ALK: variants seen among roughly 807,000 people sequenced by gnomAD.
ALK encodes ALK tyrosine kinase receptor.
A neutral mutation model predicts 163.1 loss-of-function variants in ALK; 74 were observed. The observed-to-expected ratio is 0.45, with a 90% CI of 0.38 to 0.55. The LOEUF is 0.55. ALK is among the 20% of genes least tolerant of loss of function. The pLI is 0.00. For synonymous variants in ALK, 960 were observed against 843.2 expected, an observed-to-expected ratio of 1.14 and a Z score of -2.40; for missense variants, 2,063 against 2,105.3, an observed-to-expected ratio of 0.98 and a Z score of 0.39.
chr2:29,328,778 G>T (rs890291132), intron 5 of ALK, among the ~76,000 whole-genome samples: 3 of 152,154 alleles, frequency 2.0e-5, no homozygotes, highest in African/African-American at 4.8e-5. Context: ...CTCCTCGGGG[G>T]TCCTCAAACC....
At chr2:29,571,811 T>C (rs1349243834) in intron 3 of ALK, among the ~76,000 whole-genome samples, 2 of 151,974 alleles carry the variant, frequency 1.3e-5, no homozygotes, top group Non-Finnish European at 2.9e-5. Flanking sequence ...GAAACGGGTT[T>C]CACCATATTG....
intron 3 of ALK, among the ~76,000 whole-genome samples, chr2:29,542,114 A>G (rs1673428003): frequency 6.6e-6 from 1 of 152,308 alleles, no homozygotes; most frequent in East Asian, 1.9e-4. Flanking sequence ...TCTCCAATTA[A>G]TCTGCCCTTT....
chr2:29,799,865 T>G (rs1281359415), intron 1 of ALK, among the ~76,000 whole-genome samples: 1 of 152,172 alleles, frequency 6.6e-6, no homozygotes, highest in African/African-American at 2.4e-5. Flanking sequence ...AATGCAAAAC[T>G]AGACCAAAAA....
chr2:29,664,135 G>C (rs1677436533), intron 3 of ALK, among the ~76,000 whole-genome samples: 1 of 152,064 alleles, frequency 6.6e-6, no homozygotes, highest in Non-Finnish European at 1.5e-5. Flanking sequence ...ATGTCTCTGA[G>C]AGCCAGGAGA....
At chr2:29,798,841 A>T (rs575874550) in intron 1 of ALK, among the ~76,000 whole-genome samples, 74 of 152,348 alleles carry the variant, frequency 4.9e-4, no homozygotes, top group African/African-American at 7.7e-4. Flanking sequence ...CCTGGGGGAA[A>T]AAAAAGAGAG....
chr2:29,312,346 T>C (rs1666719222), intron 8 of ALK, among the ~76,000 whole-genome samples: 1 of 151,920 alleles, frequency 6.6e-6, no homozygotes, highest in Non-Finnish European at 1.5e-5. Flanking sequence ...GAGAGGATAC[T>C]GAAGCCGAGA....
intron 1 of ALK, among the ~76,000 whole-genome samples, chr2:29,751,787 G>C (rs913845703): frequency 3.9e-5 from 6 of 152,160 alleles, no homozygotes; most frequent in Non-Finnish European, 7.3e-5. Flanking sequence ...TCATGTTCTA[G>C]ATTTTTAGGG....
chr2:29,835,457 T>C (rs527331079), intron 1 of ALK, among the ~76,000 whole-genome samples: 2 of 152,292 alleles, frequency 1.3e-5, no homozygotes, highest in South Asian at 2.1e-4. Context: ...AATGAAGTTA[T>C]GGAGTGTTTT....
chr2:29,399,339 G>C (rs1426572401), intron 4 of ALK, among the ~76,000 whole-genome samples: 1 of 152,132 alleles, frequency 6.6e-6, no homozygotes, highest in Non-Finnish European at 1.5e-5. Context: ...TGAGTCCTTG[G>C]GACAGCCAGG....
chr2:29,277,428 A>G (rs1208328082), intron 9 of ALK, among the ~76,000 whole-genome samples: 1 of 152,204 alleles, frequency 6.6e-6, no homozygotes, highest in Non-Finnish European at 1.5e-5. Context: ...TATCCGAATA[A>G]CTGTGATCGA....
intron 2 of ALK, among the ~76,000 whole-genome samples, chr2:29,716,949 C>G (rs1217382043): frequency 2.3e-4 from 34 of 145,860 alleles, no homozygotes; most frequent in African/African-American, 8.6e-4. Context: ...TCAAGACCAT[C>G]CTGGCTAACA....
At chr2:29,704,813 G>A (rs1678847746) in intron 2 of ALK, among the ~76,000 whole-genome samples, 3 of 152,172 alleles carry the variant, frequency 2.0e-5, no homozygotes, top group Admixed American at 2.0e-4. Flanking sequence ...AAGTTCACTA[G>A]AGAATTCTTA....
chr2:29,328,270 T>TCATCATTATCC, intron 6 of ALK, 80 bp downstream of exon 6: 1 of 1,605,368 alleles, frequency 6.2e-7, no homozygotes. Flanking sequence ...GTCCATGCTC[T>TCATCATTATCC]CATGCCTGGG....
intron 1 of ALK, among the ~76,000 whole-genome samples, chr2:29,906,671 C>T (rs1461167043): frequency 2.0e-5 from 3 of 152,104 alleles, no homozygotes; most frequent in Non-Finnish European, 2.9e-5. Context: ...CAACCTGGAT[C>T]GTGTTATCTG....
chr2:29,728,712 G>A (rs1314549276), intron 1 of ALK, among the ~76,000 whole-genome samples: 1 of 152,094 alleles, frequency 6.6e-6, no homozygotes, highest in Non-Finnish European at 1.5e-5. Flanking sequence ...GAGAAGGCAG[G>A]GTCTATTCCA....
At chr2:29,302,513 C>T (rs950217563) in intron 8 of ALK, among the ~76,000 whole-genome samples, 1 of 152,188 alleles carries the variant, frequency 6.6e-6, no homozygotes, top group South Asian at 2.1e-4. Context: ...AGCAAGACTT[C>T]GTCTCAAAGA....
intron 4 of ALK, among the ~76,000 whole-genome samples, chr2:29,389,706 C>T (rs1305687621): frequency 6.6e-6 from 1 of 152,186 alleles, no homozygotes; most frequent in Non-Finnish European, 1.5e-5. Flanking sequence ...CTGAGTTAAT[C>T]CAAACGTTCG....
intron 5 of ALK, among the ~76,000 whole-genome samples, chr2:29,373,178 A>G (rs1187464043): frequency 6.6e-6 from 1 of 152,216 alleles, no homozygotes; most frequent in Non-Finnish European, 1.5e-5. Context: ...CAGAGTGGCA[A>G]TTGCACATTG....
intron 8 of ALK, among the ~76,000 whole-genome samples, chr2:29,313,356 CT>C: frequency 6.6e-6 from 1 of 152,268 alleles, no homozygotes; most frequent in South Asian, 2.1e-4. Context: ...AATGAACAAA[CT>C]CCATTTGAGT....
Sources: allele counts gnomAD v4.1 joint callset (sites outside exome capture counted in the v4.1 genomes callset), GRCh38; gene constraint gnomAD v4.1.1; transcripts MANE v1.5; gene names NCBI Gene and HGNC (gene_info 2026-07-23, HGNC 2026-07-21).